DOCK3: variants seen among roughly 807,000 people sequenced by gnomAD.
DOCK3 encodes the protein dedicator of cytokinesis 3.
In DOCK3, 60 loss-of-function variants were observed where a neutral mutation model predicts 265.6. The ratio of observed to expected loss-of-function variants is 0.23; its 90% CI spans 0.18 to 0.28. DOCK3 has a LOEUF of 0.28. Ranked by LOEUF, DOCK3 falls within the 10% of genes least tolerant of loss-of-function variation. The pLI is 1.00. For synonymous variants in DOCK3, 881 were observed against 938.0 expected (o/e 0.94, Z 1.11); for missense variants, 1,981 against 2,594.3 (o/e 0.76, Z 5.14).
At chr3:50,752,081 T>C (rs970355045) in intron 1 of DOCK3, among the ~76,000 whole-genome samples, 3 of 152,156 alleles carry the variant, frequency 2.0e-5, no homozygotes, top group African/African-American at 7.2e-5. Flanking sequence ...CCTGCAATGC[T>C]TTTTCTTTTT....
At chr3:51,305,719 T>G (rs1011936406) in intron 27 of DOCK3, among the ~76,000 whole-genome samples, 1 of 46,246 alleles carries the variant, frequency 2.2e-5, no homozygotes, top group Admixed American at 2.5e-4. Context: ...TGTGTGTCTG[T>G]GTGTGTGTGT....
chr3:50,916,846 CAA>C (rs397877086), intron 4 of DOCK3, among the ~76,000 whole-genome samples: 3,407 of 77,058 alleles, frequency 0.044, 143 homozygotes, highest in African/African-American at 0.14. Flanking sequence ...GACTCCGTTT[CAA>C]AAAAAAAAAA....
chr3:51,104,820 G>A (rs1178291974), intron 9 of DOCK3, among the ~76,000 whole-genome samples: 1 of 152,066 alleles, frequency 6.6e-6, no homozygotes, highest in Non-Finnish European at 1.5e-5. Context: ...ACAGGGTCTT[G>A]CTCTGTCTCC....
At chr3:50,934,548 C>G (rs1400451265) in intron 5 of DOCK3, among the ~76,000 whole-genome samples, 1 of 152,046 alleles carries the variant, frequency 6.6e-6, no homozygotes, top group African/African-American at 2.4e-5. Flanking sequence ...TAATAAAAGC[C>G]AGGCATGATG....
chr3:50,980,213 A>G (rs920433911), intron 5 of DOCK3, among the ~76,000 whole-genome samples: 1 of 152,172 alleles, frequency 6.6e-6, no homozygotes, highest in Non-Finnish European at 1.5e-5. Flanking sequence ...TATTGAGATG[A>G]TAATATGGCT....
intron 27 of DOCK3, among the ~76,000 whole-genome samples, chr3:51,301,646 G>A (rs1325922191): frequency 6.6e-6 from 1 of 151,778 alleles, no homozygotes; most frequent in Non-Finnish European, 1.5e-5. Flanking sequence ...TCTTGATTTT[G>A]GTTTTAAATA....
chr3:50,780,278 T>C (rs1267098707), intron 2 of DOCK3, among the ~76,000 whole-genome samples: 1 of 152,204 alleles, frequency 6.6e-6, no homozygotes, highest in East Asian at 1.9e-4. Flanking sequence ...GAGTTTTCAC[T>C]GAGATCTAAA....
intron 33 of DOCK3, among the ~76,000 whole-genome samples, chr3:51,332,377 T>C (rs958047264): frequency 5.3e-5 from 8 of 152,144 alleles, no homozygotes; most frequent in Non-Finnish European, 1.0e-4. Flanking sequence ...GAGCATGGGG[T>C]TGTCAAGTAA....
chr3:50,969,043 A>G (rs2077117073), intron 5 of DOCK3, among the ~76,000 whole-genome samples: 3 of 152,070 alleles, frequency 2.0e-5, no homozygotes, highest in Admixed American at 2.0e-4. Context: ...TGTTGATTTC[A>G]GTCTCAATTA....
At chr3:50,903,767 G>C (rs2049323954) in intron 4 of DOCK3, among the ~76,000 whole-genome samples, 1 of 151,578 alleles carries the variant, frequency 6.6e-6, no homozygotes, top group Non-Finnish European at 1.5e-5. Context: ...TTATTTAAAT[G>C]TGTATTTTTT....
chr3:50,732,102 T>A (rs763156633), intron 1 of DOCK3, among the ~76,000 whole-genome samples: 1 of 150,748 alleles, frequency 6.6e-6, no homozygotes, highest in Non-Finnish European at 1.5e-5. Context: ...CTTTCATGGA[T>A]GAAGCTGGAA....
intron 12 of DOCK3, among the ~76,000 whole-genome samples, chr3:51,199,416 C>T (rs546801200): frequency 6.6e-5 from 10 of 152,286 alleles, no homozygotes; most frequent in Non-Finnish European, 4.4e-5. Flanking sequence ...GGTCCTACAC[C>T]CACGGAGTCT....
intron 6 of DOCK3, among the ~76,000 whole-genome samples, chr3:51,066,540 T>C (rs2081597782): frequency 6.6e-6 from 1 of 152,154 alleles, no homozygotes; most frequent in African/African-American, 2.4e-5. Context: ...AGCCAGAGTT[T>C]TATTTTACAA....
chr3:50,997,792 T>C (rs759964673), intron 5 of DOCK3, among the ~76,000 whole-genome samples: 7 of 152,164 alleles, frequency 4.6e-5, no homozygotes, highest in Admixed American at 3.9e-4. Flanking sequence ...GAGTGTTTGG[T>C]AGCTTTTTCT....
intron 5 of DOCK3, among the ~76,000 whole-genome samples, chr3:50,959,143 A>G (rs1481016756): frequency 6.6e-6 from 1 of 152,186 alleles, no homozygotes. Context: ...TCATCTAAAT[A>G]CAGTAATATA....
intron 1 of DOCK3, among the ~76,000 whole-genome samples, chr3:50,751,868 G>A (rs545072541): frequency 4.1e-4 from 63 of 152,212 alleles, no homozygotes; most frequent in African/African-American, 1.3e-3. Flanking sequence ...AGAGAAGTAT[G>A]AGGAGTGAAG....
intron 23 of DOCK3, among the ~76,000 whole-genome samples, chr3:51,262,454 CAAAG>C (rs1344935874): frequency 8.4e-6 from 1 of 118,976 alleles, no homozygotes; most frequent in Non-Finnish European, 1.8e-5. Flanking sequence ...TCCAGGAAGA[CAAAG>C]AAAAACCAGT....
At chr3:51,356,742 A>G (rs559370893) in intron 43 of DOCK3, among the ~76,000 whole-genome samples, 1 of 152,202 alleles carries the variant, frequency 6.6e-6, no homozygotes, top group African/African-American at 2.4e-5. Flanking sequence ...GATTCAAGAA[A>G]CCAGAGTGCT....
intron 1 of DOCK3, among the ~76,000 whole-genome samples, chr3:50,713,888 G>T: frequency 6.6e-6 from 1 of 152,122 alleles, no homozygotes; most frequent in Non-Finnish European, 1.5e-5. Context: ...AAGTATTAAT[G>T]CTTCTAAATA....
Sources: allele counts gnomAD v4.1 joint callset (sites outside exome capture counted in the v4.1 genomes callset), GRCh38; gene constraint gnomAD v4.1.1; transcripts MANE v1.5; gene names NCBI Gene and HGNC (gene_info 2026-07-23, HGNC 2026-07-21).